TSC22D1: variants seen among roughly 807,000 people sequenced by gnomAD.
The protein encoded by TSC22D1 is TSC22 domain family protein 1.
Under a neutral mutation model 74.2 loss-of-function variants are expected in TSC22D1, and 9 were observed. The observed-to-expected ratio is 0.12, with a 90% CI of 0.07 to 0.21. The LOEUF is 0.21. Among genes scored for constraint, TSC22D1 ranks in the 10% least tolerant of loss-of-function variants. The pLI, the probability that TSC22D1 is intolerant of heterozygous loss-of-function variation, is 1.00. For synonymous variants in TSC22D1, 586 were observed against 492.5 expected (o/e 1.19, Z -2.51); for missense variants, 1,427 against 1,304.7 (o/e 1.09, Z -1.44).
chr13:44,455,639 A>C (rs553124452), intron 1 of TSC22D1, among the ~76,000 whole-genome samples: 9 of 152,328 alleles, frequency 5.9e-5, no homozygotes, highest in African/African-American at 1.9e-4. Context: ...TGTCTACAAA[A>C]TTTAAGCACT....
intron 1 of TSC22D1, among the ~76,000 whole-genome samples, chr13:44,475,437 C>A (rs1472677028): frequency 3.6e-5 from 5 of 137,436 alleles, no homozygotes; most frequent in Admixed American, 7.5e-5. Context: ...GTGGGAGGGT[C>A]AGGAGAGGGA....
chr13:44,435,163 C>A lies in TSC22D1; in HGVS notation c.2965-280G>T, dbSNP rs549443770. ...CCTGAGACTGGGCCAGAGCCGGGCGCTGGGTCCCCGACTGAGACCAGCAGC... is the reference window on the plus strand; with the variant it reads ...CCTGAGACTGGGCCAGAGCCGGGCGATGGGTCCCCGACTGAGACCAGCAGC... On this transcript the variant is annotated intron_variant, in intron 2 of 2. Transcript: ENST00000458659. 234 of 330,684 alleles carry A rather than the reference C, an allele frequency of 7.1e-4. 2 individuals are homozygous for A. Among genetic ancestry groups the A allele is most frequent in the African/African-American group, 4.5e-3 (207 of 46,322 alleles). The allele number at this position is 330,684 out of a possible 1,614,324, so 20.5% of individuals were successfully genotyped here.
At position 44,574,490 on chromosome 13, in the gene TSC22D1, T is replaced by A. The variant is rs191738201; in HGVS notation, c.1585A>T (p.Ser529Cys). 3 of 1,614,206 alleles carry A rather than the reference T, an allele frequency of 1.9e-6. No homozygotes were observed. In the East Asian group the frequency reaches 6.7e-5, roughly 36 times the overall value. ...TGTGGTATACTAACTGCTGGAATACTCTGTGGACCAGTGCTACCAAAATCC... is the reference window on the plus strand; with the variant it reads ...TGTGGTATACTAACTGCTGGAATACACTGTGGACCAGTGCTACCAAAATCC... ...QMDFGSTGPQSIPAVSIPQSI... is the reference protein window; with the variant it reads ...QMDFGSTGPQCIPAVSIPQSI... The change falls in exon 1 of 3, where the codon AGT (serine) becomes TGT (cysteine). Residue 529 changes from serine (S) to cysteine (C), a missense_variant. Around this residue, in one of 3 missense-constraint regions of TSC22D1, gnomAD observed 1,343 missense variants for 1,191.5 expected, o/e 1.13. Coordinates refer to ENST00000458659, the MANE Select transcript of TSC22D1 (RefSeq NM_183422.4).
At chr13:44,560,259 G>A (rs1041191008) in intron 1 of TSC22D1, among the ~76,000 whole-genome samples, 8 of 151,940 alleles carry the variant, frequency 5.3e-5, no homozygotes, top group East Asian at 1.9e-4. Flanking sequence ...GTGAAACCTC[G>A]TCTCTTTTTA....
Position 44,536,189 on chromosome 13 carries a change from A to C in TSC22D1, c.2912+36974T>G, listed in dbSNP as rs1025135037. ...CTTTTAGAAATTTGATTTCTTTCAG[A>C]GTATTAATTTCTTTGGGGAGCCAAA... is the stretch of plus-strand genomic sequence containing the variant. On this transcript the variant is annotated intron_variant, in intron 1 of 2. Transcript: ENST00000458659. Among the ~76,000 whole-genome samples the C allele has an allele frequency of 2.0e-5, 3 of 151,882 alleles. No individual in the cohort carries two copies. In the East Asian group the frequency reaches 5.8e-4, roughly 29 times the overall value.
In TSC22D1 at chr13:44,573,972, G is replaced by A. The variant is rs775846929; in HGVS notation, c.2103C>T (p.Val701=). The A allele has an allele frequency of 6.8e-6, 11 of 1,613,942 alleles. No individual in the cohort carries two copies. The Admixed American group carries it at 1.8e-4, about 27-fold the overall frequency. ...GIQLPVQPTA[V]PAQPAGASVQ... Reference sequence around the variant, plus strand: ...CAGATGCCCCTGCAGGTTGTGCTGGGACTGCTGTGGGCTGCACTGGCAGCT... The same window carrying A: ...CAGATGCCCCTGCAGGTTGTGCTGGAACTGCTGTGGGCTGCACTGGCAGCT... Residue 701 remains valine (V), a synonymous_variant, in exon 1 of 3, where the codon GTC becomes GTT. Coordinates refer to ENST00000458659, the MANE Select transcript of TSC22D1 (RefSeq NM_183422.4).
At chr13:44,456,605 T>C (rs527361744) in intron 1 of TSC22D1, among the ~76,000 whole-genome samples, 12 of 152,272 alleles carry the variant, frequency 7.9e-5, no homozygotes, top group African/African-American at 2.2e-4. Flanking sequence ...AACAATTCTC[T>C]AGTATAGCCA....
intron 1 of TSC22D1, among the ~76,000 whole-genome samples, chr13:44,446,826 A>AGAGGAGGAAGAGGAGGAG (rs1373089332): frequency 9.6e-6 from 1 of 104,328 alleles, no homozygotes. Context: ...AGGAGGAGGA[A>AGAGGAGGAAGAGGAGGAG]GAAGAGGAGG....
At chr13:44,526,309 G>A (rs1283434969) in intron 1 of TSC22D1, among the ~76,000 whole-genome samples, 1 of 151,796 alleles carries the variant, frequency 6.6e-6, no homozygotes, top group African/African-American at 2.4e-5. Flanking sequence ...AGAATTGATG[G>A]GTAATATAAG....
intron 1 of TSC22D1, among the ~76,000 whole-genome samples, chr13:44,488,594 G>A (rs751052376): frequency 1.3e-4 from 19 of 151,878 alleles, no homozygotes; most frequent in Non-Finnish European, 2.1e-4. Context: ...AAACAAAGCT[G>A]TCATTATTCT....
chr13:44,517,133 A>G (rs1450855118), intron 1 of TSC22D1, among the ~76,000 whole-genome samples: 1 of 152,174 alleles, frequency 6.6e-6, no homozygotes, highest in Non-Finnish European at 1.5e-5. Context: ...TAAAAATTTG[A>G]TCTAGATTAT....
intron 1 of TSC22D1, among the ~76,000 whole-genome samples, chr13:44,571,404 T>G (rs950483162): frequency 6.6e-6 from 1 of 152,178 alleles, no homozygotes; most frequent in Non-Finnish European, 1.5e-5. Context: ...TTTAATTGCC[T>G]GGAAGGGCAA....
chr13:44,489,368 T>A (rs1356142124), intron 1 of TSC22D1, among the ~76,000 whole-genome samples: 1 of 151,938 alleles, frequency 6.6e-6, no homozygotes. Context: ...GTAAACTACA[T>A]CAAAATTAGG....
At chr13:44,511,795 G>T (rs1274573819) in intron 1 of TSC22D1, among the ~76,000 whole-genome samples, 1 of 150,954 alleles carries the variant, frequency 6.6e-6, no homozygotes, top group East Asian at 2.0e-4. Context: ...TAGTAGAAAT[G>T]GATTCATGAA....
intron 1 of TSC22D1, chr13:44,539,664 TGGTTCTTAAATGAACCCAA>T (rs1881350184): frequency 1.7e-6 from 2 of 1,163,256 alleles, no homozygotes; most frequent in African/African-American, 3.2e-5. Flanking sequence ...CAGTCCCACC[TGGTTCTTAAATGAACCCAA>T]GGAGTTTACC....
chr13:44,445,940 T>G (rs2031191068), intron 1 of TSC22D1, among the ~76,000 whole-genome samples: 1 of 152,102 alleles, frequency 6.6e-6, no homozygotes, highest in East Asian at 1.9e-4. Flanking sequence ...GAATGAAAAA[T>G]GGTACAACCA....
intron 1 of TSC22D1, among the ~76,000 whole-genome samples, chr13:44,508,459 G>T (rs564908504): frequency 3.9e-5 from 6 of 152,090 alleles, no homozygotes; most frequent in South Asian, 2.1e-4. Flanking sequence ...AATATGAATT[G>T]TTTTTTTAAA....
chr13:44,556,840 A>G (rs1882674312), intron 1 of TSC22D1, among the ~76,000 whole-genome samples: 1 of 151,840 alleles, frequency 6.6e-6, no homozygotes, highest in African/African-American at 2.4e-5. Flanking sequence ...CTGAAGACCT[A>G]ATGCAGATGT....
At chr13:44,444,592 T>C (rs1463089971) in intron 1 of TSC22D1, among the ~76,000 whole-genome samples, 1 of 152,056 alleles carries the variant, frequency 6.6e-6, no homozygotes, top group African/African-American at 2.4e-5. Flanking sequence ...ATTATAATGA[T>C]AAAAGGTCGA....
Sources: allele counts gnomAD v4.1 joint callset (sites outside exome capture counted in the v4.1 genomes callset), GRCh38; gene constraint gnomAD v4.1.1; regional missense constraint gnomAD v4.1.1; transcripts MANE v1.5; gene names NCBI Gene and HGNC (gene_info 2026-07-23, HGNC 2026-07-21).